PTGER4: variants seen among roughly 807,000 people sequenced by gnomAD.
PTGER4 encodes the protein prostaglandin E receptor 4.
In PTGER4, 11 loss-of-function variants were observed where a neutral mutation model predicts 33.2. The ratio of observed to expected loss-of-function variants is 0.33; its 90% confidence interval spans 0.21 to 0.55. The LOEUF is 0.55. Among genes scored for constraint, PTGER4 ranks in the 20% least tolerant of loss-of-function variants. The pLI, the probability that PTGER4 is intolerant of heterozygous loss-of-function variation, is 0.92. For missense variants in PTGER4, 481 were observed against 650.2 expected (o/e 0.74, Z 2.83); for synonymous variants, 275 against 281.5 (o/e 0.98, Z 0.23).
the PTGER4 span, among the ~76,000 whole-genome samples, chr5:40,722,705 C>A: frequency 2.0e-5 from 3 of 151,934 alleles, no homozygotes; most frequent in African/African-American, 7.2e-5. Context: ...AGCGTCTCCG[C>A]CCGGCCAGCG....
the PTGER4 span, among the ~76,000 whole-genome samples, chr5:40,712,703 G>C: frequency 6.6e-6 from 1 of 152,158 alleles, no homozygotes; most frequent in Non-Finnish European, 1.5e-5. Flanking sequence ...AAAGAGGCTA[G>C]CATGCCCAGT....
At chr5:40,740,358 T>G in the PTGER4 span, among the ~76,000 whole-genome samples, 1 of 151,912 alleles carries the variant, frequency 6.6e-6, no homozygotes, top group African/African-American at 2.4e-5. Flanking sequence ...TATCTCAGCT[T>G]TTGTTTGTCC....
At chr5:40,685,427 G>A (rs1741300059) in intron 2 of PTGER4, 7 of 985,372 alleles carry the variant, frequency 7.1e-6, no homozygotes, top group Non-Finnish European at 8.4e-6. Flanking sequence ...CAACTGATGG[G>A]ATGTCAGATG....
At chr5:40,716,114 G>C in the PTGER4 span, 1 of 1,516,434 alleles carries the variant, frequency 6.6e-7, no homozygotes, top group Non-Finnish European at 8.9e-7. Flanking sequence ...CAATCAAAAA[G>C]ACAGATTCAA....
chr5:40,698,555 T>A (rs1372935019), downstream of PTGER4, among the ~76,000 whole-genome samples: 3 of 152,188 alleles, frequency 2.0e-5, no homozygotes, highest in African/African-American at 7.2e-5. Context: ...AATATACTGT[T>A]CTTGGGAATA....
At chr5:40,735,981 C>T in the PTGER4 span, among the ~76,000 whole-genome samples, 1 of 152,072 alleles carries the variant, frequency 6.6e-6, no homozygotes, top group African/African-American at 2.4e-5. Flanking sequence ...TGGAGAGAAG[C>T]TTTTTAAATG....
At chr5:40,736,189 G>A in the PTGER4 span, among the ~76,000 whole-genome samples, 5,377 of 152,256 alleles carry the variant, frequency 0.035, 198 homozygotes, top group South Asian at 0.14. Flanking sequence ...CACAAATACA[G>A]TAAGGTTGGA....
chr5:40,703,874 G>A, the PTGER4 span, among the ~76,000 whole-genome samples: 1 of 113,350 alleles, frequency 8.8e-6, no homozygotes, highest in East Asian at 3.1e-4. Context: ...TTGCACTCCA[G>A]CCCGGGCAAC....
At chr5:40,710,655 T>C in the PTGER4 span, among the ~76,000 whole-genome samples, 1 of 152,152 alleles carries the variant, frequency 6.6e-6, no homozygotes, top group Non-Finnish European at 1.5e-5. Context: ...CTATTCACAA[T>C]AGAAAAGACT....
the PTGER4 span, among the ~76,000 whole-genome samples, chr5:40,722,556 C>T: frequency 1.3e-5 from 2 of 151,512 alleles, no homozygotes; most frequent in Admixed American, 6.6e-5. Context: ...TGCCTGGCCG[C>T]GACCCCGTCT....
the PTGER4 span, chr5:40,728,216 G>A: frequency 4.3e-4 from 289 of 672,708 alleles, 2 homozygotes; most frequent in African/African-American, 4.3e-3. Flanking sequence ...CCCAGGAGGC[G>A]GAGGTTGCCG....
intron 2 of PTGER4, among the ~76,000 whole-genome samples, chr5:40,687,141 G>A (rs950756488): frequency 6.6e-6 from 1 of 152,106 alleles, no homozygotes; most frequent in Admixed American, 6.5e-5. Context: ...CACCTCCCGG[G>A]TTCAAGTGAT....
rs993226686 is a variant in PTGER4, at chr5:40,683,339, T to C, written c.867+1479T>C. On this transcript the variant is annotated intron_variant, in intron 2 of 2. Coordinates refer to ENST00000302472, the MANE Select transcript of PTGER4 (RefSeq NM_000958.3). This position sits in a 1 kb window ranked among gnomAD's most constrained non-coding sequence, Gnocchi z 4.2. ...TTTGTATAAACAGAAGTAAATATAA[T>C]AGGCCATAAGAGCCTTTAAGCCATT... is the stretch of plus-strand genomic sequence containing the variant. 3.3e-5 allele frequency among the ~76,000 whole-genome samples: 5 copies of C among 152,218 alleles called. No homozygotes were observed. The highest frequency in any genetic ancestry group is 2.6e-4 in the Admixed American group (4 of 15,286).
downstream of PTGER4, among the ~76,000 whole-genome samples, chr5:40,697,490 C>G (rs1428629063): frequency 6.8e-6 from 1 of 146,526 alleles, no homozygotes; most frequent in African/African-American, 2.5e-5. Flanking sequence ...GAGGCTGAGG[C>G]AAGAGAATTG....
chr5:40,687,559 G>T (rs1349608385), intron 2 of PTGER4, among the ~76,000 whole-genome samples: 1 of 152,200 alleles, frequency 6.6e-6, no homozygotes, highest in Non-Finnish European at 1.5e-5. Context: ...AGCAAATCAA[G>T]TAGCCTACTT....
At chr5:40,721,099 G>A in the PTGER4 span, among the ~76,000 whole-genome samples, 10 of 152,108 alleles carry the variant, frequency 6.6e-5, no homozygotes, top group Non-Finnish European at 1.3e-4. Flanking sequence ...GGGAAGAAAA[G>A]AATTGGTCCA....
rs770747951 is a variant in PTGER4, at chr5:40,692,401, A to C, written c.*23A>C. 2 of 1,556,198 alleles carry C rather than the reference A, an allele frequency of 1.3e-6. No homozygotes were observed. The highest frequency in any genetic ancestry group is 1.7e-6 in the Non-Finnish European group (2 of 1,151,170). On this transcript the variant is annotated 3_prime_UTR_variant, in exon 3 of 3. Coordinates refer to ENST00000302472, the MANE Select transcript of PTGER4 (RefSeq NM_000958.3). The stretch of plus-strand genomic sequence containing the variant: ...TAATAGGCAAGGAAAGAAATACAGT[A>C]CTGTTTCTGGACCCTTATAAAATCC...
At chr5:40,699,020 T>C in the PTGER4 span, among the ~76,000 whole-genome samples, 1 of 152,196 alleles carries the variant, frequency 6.6e-6, no homozygotes, top group African/African-American at 2.4e-5. Flanking sequence ...ACCCATGATG[T>C]ATTCTTGCCG....
the PTGER4 span, among the ~76,000 whole-genome samples, chr5:40,700,689 T>C: frequency 6.6e-6 from 1 of 152,116 alleles, no homozygotes; most frequent in African/African-American, 2.4e-5. Flanking sequence ...GGAAGGAACA[T>C]AAACACTGAG....
Sources: gnomAD v4.1 joint callset for allele counts (sites outside exome capture counted in the v4.1 genomes callset) on GRCh38, gnomAD v4.1.1 for gene constraint, Gnocchi (gnomAD v3.1) non-coding constraint, MANE v1.5 for transcripts, NCBI Gene and HGNC (gene_info 2026-07-23, HGNC 2026-07-21) for gene names.